Variants in CDH12 observed in about 807,000 individuals in gnomAD.
CDH12 encodes the protein cadherin-12.
A neutral mutation model predicts 74.1 loss-of-function variants in CDH12; 41 were observed. That is an observed-to-expected ratio of 0.55 (90% CI 0.43 to 0.72). The LOEUF (loss-of-function observed/expected upper bound fraction) is 0.72, where lower values mean the gene tolerates loss of function less well. Ranked by LOEUF, CDH12 falls within the 30% of genes least tolerant of loss-of-function variation. CDH12 has a pLI of 0.00. For missense variants in CDH12, 945 were observed against 977.2 expected, an observed-to-expected ratio of 0.97 and a Z score of 0.44; for synonymous variants, 399 against 355.0, an observed-to-expected ratio of 1.12 and a Z score of -1.39.
intron 3 of CDH12, among the ~76,000 whole-genome samples, chr5:22,243,235 A>G (rs949099263): frequency 6.6e-6 from 1 of 152,232 alleles, no homozygotes; most frequent in Non-Finnish European, 1.5e-5. Context: ...AGAGCTATTT[A>G]CATAATGAAT....
intron 1 of CDH12, among the ~76,000 whole-genome samples, chr5:22,762,394 T>TA (rs1379116644): frequency 1.3e-5 from 2 of 152,128 alleles, no homozygotes; most frequent in Non-Finnish European, 2.9e-5. Flanking sequence ...CAGTCATTCT[T>TA]AAAAAAGTAT....
intron 3 of CDH12, among the ~76,000 whole-genome samples, chr5:22,236,277 CT>C (rs1419281187): frequency 6.6e-6 from 1 of 152,100 alleles, no homozygotes; most frequent in East Asian, 1.9e-4. Flanking sequence ...ACTTTATAAA[CT>C]TTTTCATTTT....
rs1026342311 is a variant in CDH12, at chr5:22,019,493, T to C, written c.232-44108A>G. Among the ~76,000 whole-genome samples the C allele has an allele frequency of 1.5e-4, 23 of 152,146 alleles. No homozygotes were observed. In the South Asian group the frequency reaches 2.5e-3, roughly 16 times the overall value. On this transcript the variant is annotated intron_variant, in intron 5 of 14. Coordinates refer to ENST00000382254, the MANE Select transcript of CDH12 (RefSeq NM_004061.5). The stretch of plus-strand genomic sequence containing the variant: ...CTCTGAGAAGGTGATTAGGTTTAGA[T>C]GAGGTCATGAAGGTGCAGCCTTCAT...
chr5:22,279,182 A>C, intron 3 of CDH12, among the ~76,000 whole-genome samples: 1 of 152,174 alleles, frequency 6.6e-6, no homozygotes, highest in Non-Finnish European at 1.5e-5. Context: ...AAACATCTTC[A>C]AAGTAGTATC....
At chr5:22,271,658 C>G (rs2150400623) in intron 3 of CDH12, among the ~76,000 whole-genome samples, 1 of 152,302 alleles carries the variant, frequency 6.6e-6, no homozygotes, top group South Asian at 2.1e-4. Context: ...CGAGAATACT[C>G]TTTGGTCTTT....
intron 2 of CDH12, among the ~76,000 whole-genome samples, chr5:22,470,527 C>G (rs4309935): frequency 6.6e-6 from 1 of 151,700 alleles, no homozygotes; most frequent in Non-Finnish European, 1.5e-5. Flanking sequence ...CAAGCAATCT[C>G]CCCGCATCAG....
intron 1 of CDH12, among the ~76,000 whole-genome samples, chr5:22,617,067 G>T (rs191711201): frequency 2.2e-4 from 33 of 151,896 alleles, no homozygotes; most frequent in African/African-American, 7.5e-4. Context: ...TACAGACAAG[G>T]TCTCATTATG....
At chr5:22,706,680 A>T (rs1413706528) in intron 1 of CDH12, among the ~76,000 whole-genome samples, 2 of 152,088 alleles carry the variant, frequency 1.3e-5, no homozygotes, top group Non-Finnish European at 1.5e-5. Flanking sequence ...TTTTGAATAT[A>T]TTACTACTAT....
intron 1 of CDH12, among the ~76,000 whole-genome samples, chr5:22,642,788 A>G (rs1202798088): frequency 6.6e-6 from 1 of 152,202 alleles, no homozygotes; most frequent in Admixed American, 6.5e-5. Context: ...AAAGTGAAAC[A>G]ATTATATAAA....
chr5:22,050,424 C>G (rs1740278661), intron 5 of CDH12, among the ~76,000 whole-genome samples: 1 of 152,040 alleles, frequency 6.6e-6, no homozygotes, highest in Admixed American at 6.6e-5. Context: ...TTTCCAATGC[C>G]TAAAACAAAA....
chr5:21,806,707 C>G (rs1212421366), intron 9 of CDH12, among the ~76,000 whole-genome samples: 4 of 152,144 alleles, frequency 2.6e-5, no homozygotes, highest in Non-Finnish European at 4.4e-5. Context: ...GCCCAAGAGC[C>G]TATATCTCCC....
chr5:22,839,233 A>C (rs2126518245), intron 1 of CDH12, among the ~76,000 whole-genome samples: 1 of 152,314 alleles, frequency 6.6e-6, no homozygotes, highest in South Asian at 2.1e-4. Context: ...GAAAATATTT[A>C]CAATTTATTT....
intron 3 of CDH12, among the ~76,000 whole-genome samples, chr5:22,367,221 C>T (rs761247429): frequency 1.3e-5 from 2 of 151,958 alleles, no homozygotes; most frequent in Admixed American, 6.6e-5. Context: ...GCTCCAGATA[C>T]CTAGTGATCT....
intron 1 of CDH12, among the ~76,000 whole-genome samples, chr5:22,698,716 T>C (rs1561585907): frequency 2.8e-4 from 4 of 14,416 alleles, no homozygotes; most frequent in Non-Finnish European, 5.0e-4. Context: ...TATATATATA[T>C]ATATATATAT....
At chr5:21,921,905 C>A (rs930354290) in intron 6 of CDH12, among the ~76,000 whole-genome samples, 1 of 152,172 alleles carries the variant, frequency 6.6e-6, no homozygotes, top group East Asian at 1.9e-4. Context: ...CATTTCTTTG[C>A]ATTGCCTCAA....
intron 3 of CDH12, among the ~76,000 whole-genome samples, chr5:22,237,355 T>C (rs1468826526): frequency 6.6e-6 from 1 of 152,188 alleles, no homozygotes; most frequent in Non-Finnish European, 1.5e-5. Context: ...AGTTTGTGTT[T>C]TGGTCTGAGT....
intron 5 of CDH12, among the ~76,000 whole-genome samples, chr5:22,065,205 C>A (rs1356601492): frequency 6.6e-6 from 1 of 152,126 alleles, no homozygotes; most frequent in Non-Finnish European, 1.5e-5. Flanking sequence ...CAAGTCTTTG[C>A]ATGGCCCTGA....
At chr5:22,655,848 G>A (rs1235403613) in intron 1 of CDH12, among the ~76,000 whole-genome samples, 1 of 152,172 alleles carries the variant, frequency 6.6e-6, no homozygotes, top group Non-Finnish European at 1.5e-5. Flanking sequence ...CTGACCATAA[G>A]TGTGTATTCT....
In CDH12 at chr5:22,355,964, C is replaced by T. The variant is rs115952588; in HGVS notation, c.-333+49293G>A. Among the ~76,000 whole-genome samples the T allele has an allele frequency of 1.2e-3, 178 of 152,250 alleles. 2 individuals carry two copies. The highest frequency in any genetic ancestry group is 3.9e-3 in the African/African-American group (164 of 41,548). ...AAAAGAATGGTCCATTTGCATATGC[C>T]ATCACTGGCCTTCTGAGAATGATGT... On this transcript the variant is annotated intron_variant, in intron 3 of 14. Transcript: ENST00000382254.
Sources: gnomAD v4.1 joint callset for allele counts (sites outside exome capture counted in the v4.1 genomes callset) on GRCh38, gnomAD v4.1.1 for gene constraint, MANE v1.5 for transcripts, NCBI Gene and HGNC (gene_info 2026-07-23, HGNC 2026-07-21) for gene names.